SHB: variants seen among roughly 807,000 people sequenced by gnomAD.
The protein encoded by SHB is SH2 domain-containing adapter protein B.
SHB carries 20 observed loss-of-function variants against 52.3 expected under a neutral mutation model. The ratio of observed to expected loss-of-function variants is 0.38; its 90% CI spans 0.27 to 0.56. SHB has a LOEUF of 0.56. Ranked by LOEUF, SHB falls within the 20% of genes least tolerant of loss-of-function variation. The pLI is 0.71. For missense variants in SHB, 825 were observed against 723.3 expected, an observed-to-expected ratio of 1.14 and a Z score of -1.61; for synonymous variants, 397 against 316.5, an observed-to-expected ratio of 1.25 and a Z score of -2.70.
intron 3 of SHB, among the ~76,000 whole-genome samples, chr9:37,959,650 G>A (rs1187232690): frequency 1.3e-5 from 2 of 152,268 alleles, no homozygotes; most frequent in Non-Finnish European, 2.9e-5. Flanking sequence ...CATGATTGTG[G>A]AGGGAGCCCA....
At chr9:38,021,047 ATG>A (rs550557438) in intron 1 of SHB, among the ~76,000 whole-genome samples, 1,978 of 152,334 alleles carry the variant, frequency 0.013, 36 homozygotes, top group African/African-American at 0.045. Context: ...AAAAAGAATG[ATG>A]AGGCATGTCC....
At chr9:37,993,169 GA>G (rs1278679157) in intron 2 of SHB, among the ~76,000 whole-genome samples, 2 of 152,206 alleles carry the variant, frequency 1.3e-5, no homozygotes, top group Non-Finnish European at 2.9e-5. Flanking sequence ...GGAATGAGAT[GA>G]GGCTTAACAC....
chr9:38,023,459 T>C lies in SHB; in HGVS notation c.718-7328A>G, dbSNP rs1436659024. Among the ~76,000 whole-genome samples, 4 of 152,152 alleles carry C rather than the reference T, an allele frequency of 2.6e-5. No homozygotes were observed. In the East Asian group the frequency reaches 7.7e-4, roughly 29 times the overall value. ...ATGGCACCTCCAGGATGAAGGTAAG[T>C]GCGGTGAGGGGCAAAAGCACTTTCA... On this transcript the variant is annotated intron_variant, in intron 1 of 5. Coordinates refer to ENST00000377707, the MANE Select transcript of SHB (RefSeq NM_003028.3).
chr9:37,938,849 G>T (rs76007736), intron 5 of SHB, among the ~76,000 whole-genome samples: 1 of 152,218 alleles, frequency 6.6e-6, no homozygotes, highest in Non-Finnish European at 1.5e-5. Flanking sequence ...GGCAGAGTGA[G>T]GCAGAATGAG....
At chr9:37,945,885 G>C (rs1028976820) in intron 5 of SHB, among the ~76,000 whole-genome samples, 1 of 152,208 alleles carries the variant, frequency 6.6e-6, no homozygotes, top group African/African-American at 2.4e-5. Context: ...AGATGTAGGG[G>C]AAGAAACTTG....
At chr9:38,003,040 G>A (rs1211148072) in intron 2 of SHB, among the ~76,000 whole-genome samples, 1 of 152,134 alleles carries the variant, frequency 6.6e-6, no homozygotes, top group Non-Finnish European at 1.5e-5. Context: ...TAAACAGGCT[G>A]GGCTATTAAT....
chr9:37,985,381 T>C (rs899109150), intron 2 of SHB, among the ~76,000 whole-genome samples: 10 of 152,244 alleles, frequency 6.6e-5, no homozygotes, highest in Non-Finnish European at 1.3e-4. Flanking sequence ...ATTGCTTTCA[T>C]TGTGAGTAAA....
intron 4 of SHB, among the ~76,000 whole-genome samples, chr9:37,954,481 G>A (rs904920222): frequency 1.3e-5 from 2 of 152,168 alleles, no homozygotes; most frequent in East Asian, 3.9e-4. Context: ...AGTAAGTGGA[G>A]GAGAGGGGAG....
intron 2 of SHB, among the ~76,000 whole-genome samples, chr9:38,000,169 A>G (rs1038113321): frequency 6.6e-6 from 1 of 152,230 alleles, no homozygotes; most frequent in Non-Finnish European, 1.5e-5. Context: ...AGAGGGAGCG[A>G]GAAGTCAGCG....
At chr9:37,968,984 C>T (rs1564090866) in intron 3 of SHB, among the ~76,000 whole-genome samples, 1 of 152,180 alleles carries the variant, frequency 6.6e-6, no homozygotes, top group Non-Finnish European at 1.5e-5. Context: ...TGGTCCCCCT[C>T]CAATGAAAGC....
intron 1 of SHB, among the ~76,000 whole-genome samples, chr9:38,032,501 C>T (rs1245730386): frequency 2.0e-5 from 3 of 152,208 alleles, no homozygotes; most frequent in Non-Finnish European, 2.9e-5. Flanking sequence ...TTGCGCCAAC[C>T]GTGAGCAAAG....
intron 1 of SHB, among the ~76,000 whole-genome samples, chr9:38,052,435 A>G (rs1004004931): frequency 1.3e-5 from 2 of 152,164 alleles, no homozygotes; most frequent in African/African-American, 4.8e-5. Flanking sequence ...GGACTGAGTA[A>G]CTCACAAACT....
At chr9:37,933,635 T>C (rs193035281) in intron 5 of SHB, among the ~76,000 whole-genome samples, 5 of 152,268 alleles carry the variant, frequency 3.3e-5, no homozygotes, top group Admixed American at 6.5e-5. Context: ...TTCTGATGCA[T>C]GTTCAAGTTT....
At chr9:37,984,253 G>C (rs1464521902) in intron 2 of SHB, among the ~76,000 whole-genome samples, 1 of 152,184 alleles carries the variant, frequency 6.6e-6, no homozygotes, top group Non-Finnish European at 1.5e-5. Context: ...AAGGCCTGCT[G>C]ACTGAAGCCT....
chr9:38,054,170 T>C (rs763611944), intron 1 of SHB, among the ~76,000 whole-genome samples: 1 of 152,160 alleles, frequency 6.6e-6, no homozygotes, highest in Admixed American at 6.5e-5. Context: ...AGCCAGTGAG[T>C]GTTTCATGCC....
chr9:38,044,039 G>C (rs1227437625), intron 1 of SHB, among the ~76,000 whole-genome samples: 2 of 152,266 alleles, frequency 1.3e-5, no homozygotes, highest in African/African-American at 2.4e-5. Context: ...GGCATGCCCT[G>C]GTTCTGCCTG....
At chr9:37,958,166 T>C (rs1157660046) in intron 3 of SHB, among the ~76,000 whole-genome samples, 2 of 152,164 alleles carry the variant, frequency 1.3e-5, no homozygotes, top group African/African-American at 4.8e-5. Context: ...AAAGTATAGC[T>C]GGCTAATTAG....
At position 38,068,103 on chromosome 9, in the gene SHB, G is replaced by A; in HGVS notation, c.543C>T (p.Pro181=). ...ATPAEVRYIS[P]KHRLIKVESA... is the part of the protein sequence containing the mutation. ...TCTCCACTTTGATGAGGCGGTGCTT[G>A]GGGGAGATGTAGCGCACCTCGGCCG... Residue 181 remains proline, a synonymous_variant, in exon 1 of 6, where the codon CCC becomes CCT. Coordinates refer to ENST00000377707, the MANE Select transcript of SHB (RefSeq NM_003028.3). 2.0e-6 allele frequency: 3 copies of A among 1,486,572 alleles called. No homozygotes were observed. Among genetic ancestry groups the A allele is most frequent in the South Asian group, 2.7e-5 (2 of 74,882 alleles). The allele number at this position is 1,486,572 out of a possible 1,614,324, so 92.1% of individuals were successfully genotyped here. A position where few individuals can be genotyped will look rare whatever the true frequency, so the allele number is the denominator to read the frequency against.
intron 2 of SHB, among the ~76,000 whole-genome samples, chr9:37,976,791 A>C (rs1452896268): frequency 6.6e-6 from 1 of 152,218 alleles, no homozygotes; most frequent in African/African-American, 2.4e-5. Flanking sequence ...TCCCGAAATC[A>C]GAATTCTGAT....
Sources: gnomAD v4.1 joint callset for allele counts (sites outside exome capture counted in the v4.1 genomes callset) on GRCh38, gnomAD v4.1.1 for gene constraint, MANE v1.5 for transcripts, NCBI Gene and HGNC (gene_info 2026-07-23, HGNC 2026-07-21) for gene names.